C21orf91: variants seen among roughly 807,000 people sequenced by gnomAD.
C21orf91 encodes protein EURL homolog.
C21orf91 carries 26 observed loss-of-function variants against 32.9 expected under a neutral mutation model. The ratio of observed to expected loss-of-function variants is 0.79; its 90% CI spans 0.58 to 1.10. C21orf91 has a LOEUF of 1.10. Ranked by LOEUF, C21orf91 falls within the 50% of genes least tolerant of loss-of-function variation. The pLI is 0.00. For synonymous variants in C21orf91, 126 were observed against 120.4 expected (o/e 1.05, Z -0.31); for missense variants, 310 against 341.3 (o/e 0.91, Z 0.72).
chr21:17,816,825 A>C (rs1177041301), intron 2 of C21orf91, among the ~76,000 whole-genome samples: 1 of 152,232 alleles, frequency 6.6e-6, no homozygotes, highest in Non-Finnish European at 1.5e-5. Flanking sequence ...CAGGGTTTGG[A>C]CTAGATAATT....
chr21:17,792,012 T>C lies in C21orf91; in HGVS notation c.*1403A>G, dbSNP rs2062477970. 6.6e-6 allele frequency: 1 copy of C among 152,158 alleles called. No homozygotes were observed. The highest frequency in any genetic ancestry group is 6.5e-5 in the Admixed American group (1 of 15,272). The allele number at this position is 152,158 out of a possible 1,614,324, so 9.4% of individuals were successfully genotyped here. A position where few individuals can be genotyped will look rare whatever the true frequency, so the allele number is the denominator to read the frequency against. On this transcript the variant is annotated 3_prime_UTR_variant, in exon 5 of 5. Transcript: ENST00000284881. ...ACCCAAGCCAGGGTAGGCTGCCAAA[T>C]TTAAGGCAAATGTCATTTATATCTT... is the stretch of plus-strand genomic sequence containing the variant.
chr21:17,789,829 A>G lies in C21orf91; in HGVS notation c.*3586T>C, dbSNP rs976459446. On this transcript the variant is annotated 3_prime_UTR_variant, in exon 5 of 5. Coordinates refer to ENST00000284881, the MANE Select transcript of C21orf91 (RefSeq NM_001100420.2). ...CTCTTCCCTGCCCCATGACCACAAA[A>G]CTTTACTTGGTAAGAATAAACTGTT... is the stretch of plus-strand genomic sequence containing the variant. 6.6e-6 allele frequency: 1 copy of G among 152,076 alleles called. No individual in the cohort carries two copies. Among genetic ancestry groups the G allele is most frequent in the Non-Finnish European group, 1.5e-5 (1 of 67,956 alleles). 9.4% of individuals were successfully genotyped at this position (152,076 alleles called of 1,614,324 possible).
intron 2 of C21orf91, among the ~76,000 whole-genome samples, chr21:17,816,958 G>C (rs1358287074): frequency 6.6e-6 from 1 of 152,166 alleles, no homozygotes; most frequent in Non-Finnish European, 1.5e-5. Flanking sequence ...TACTGTAAAA[G>C]AAACTTATTT....
intron 2 of C21orf91, among the ~76,000 whole-genome samples, chr21:17,816,385 C>T (rs986458694): frequency 6.6e-6 from 1 of 152,162 alleles, no homozygotes; most frequent in Admixed American, 6.5e-5. Flanking sequence ...TGGAAAAATT[C>T]GATCATGGCA....
rs1402409557 is a variant in C21orf91 at position 17,790,826 on chromosome 21, T to A, written c.*2589A>T. The A allele has an allele frequency of 6.6e-6, 1 of 152,156 alleles. No individual in the cohort carries two copies. Among genetic ancestry groups the A allele is most frequent in the Non-Finnish European group, 1.5e-5 (1 of 67,962 alleles). 9.4% of individuals were successfully genotyped at this position (152,156 alleles called of 1,614,324 possible). ...ACCTGTGTGGTCAAAAACACTTTTCTAATTTTTAAAACTCAATTTAACGTG... is the reference window on the plus strand; with the variant it reads ...ACCTGTGTGGTCAAAAACACTTTTCAAATTTTTAAAACTCAATTTAACGTG... On this transcript the variant is annotated 3_prime_UTR_variant, in exon 5 of 5. Transcript: ENST00000284881.
At chr21:17,794,537 G>T (rs886975431) in intron 4 of C21orf91, among the ~76,000 whole-genome samples, 1 of 152,212 alleles carries the variant, frequency 6.6e-6, no homozygotes, top group African/African-American at 2.4e-5. Flanking sequence ...TGCAAGTAGA[G>T]ATACTGATTA....
intron 2 of C21orf91, among the ~76,000 whole-genome samples, chr21:17,812,375 T>C (rs1270395588): frequency 1.3e-5 from 2 of 152,234 alleles, no homozygotes. Flanking sequence ...TCAAAGTTCA[T>C]GTTTTGGAAA....
chr21:17,798,919 A>C (rs1448407150), intron 2 of C21orf91, among the ~76,000 whole-genome samples: 3 of 152,186 alleles, frequency 2.0e-5, no homozygotes, highest in African/African-American at 7.2e-5. Flanking sequence ...AGAGAACCTG[A>C]AGCTTGCCTA....
chr21:17,812,740 C>T (rs1349155128), intron 2 of C21orf91, among the ~76,000 whole-genome samples: 2 of 151,754 alleles, frequency 1.3e-5, no homozygotes, highest in East Asian at 1.9e-4. Flanking sequence ...ACCTGGGAGG[C>T]GGAGCTTGCA....
chr21:17,801,180 G>C (rs1256776325), intron 2 of C21orf91, among the ~76,000 whole-genome samples: 2 of 151,512 alleles, frequency 1.3e-5, no homozygotes, highest in Non-Finnish European at 2.9e-5. Flanking sequence ...ATTGGATAAA[G>C]AAAATGTGGC....
chr21:17,801,557 A>T (rs1435983187), intron 2 of C21orf91, among the ~76,000 whole-genome samples: 1 of 152,030 alleles, frequency 6.6e-6, no homozygotes, highest in Non-Finnish European at 1.5e-5. Flanking sequence ...GGCTTGAGCC[A>T]CCGTGCCCGG....
intron 2 of C21orf91, among the ~76,000 whole-genome samples, chr21:17,809,636 T>C (rs1219923707): frequency 1.3e-5 from 2 of 152,180 alleles, no homozygotes; most frequent in Non-Finnish European, 2.9e-5. Context: ...TAGTGGCAAA[T>C]AATCCTTTAT....
chr21:17,801,507 T>C (rs2062560895), intron 2 of C21orf91, among the ~76,000 whole-genome samples: 1 of 152,094 alleles, frequency 6.6e-6, no homozygotes, highest in Non-Finnish European at 1.5e-5. Context: ...CCTGACCTTG[T>C]GATCCGCCCG....
Position 17,796,659 on chromosome 21 carries a change from G to A in C21orf91, c.587C>T (p.Ala196Val), listed in dbSNP as rs908142147. 6.2e-7 allele frequency: 1 copy of A among 1,613,798 alleles called. No individual in the cohort carries two copies. Among genetic ancestry groups the A allele is most frequent in the South Asian group, 1.1e-5 (1 of 91,080 alleles). ...AGAGATTGTCTCTTCTTTTTTCTGT[G>A]CCTGGTTGTGACTATGAGGCCACAA... ...SVLWPHSHNQ[A>V]QKKEETISSP... is the part of the protein sequence containing the mutation. The change falls in exon 3 of 5, where the codon GCA becomes GTA. Residue 196 changes from alanine to valine, a missense_variant. By Grantham distance (64) the Ala-to-Val change is moderately conservative. Transcript: ENST00000284881.
chr21:17,808,638 AACTT>A (rs2062613705), intron 2 of C21orf91, among the ~76,000 whole-genome samples: 1 of 152,158 alleles, frequency 6.6e-6, no homozygotes, highest in Non-Finnish European at 1.5e-5. Flanking sequence ...GGAAGTAACT[AACTT>A]GTTTTTTAGA....
chr21:17,792,347 A>T lies in C21orf91; in HGVS notation c.*1068T>A, dbSNP rs1236458420. 2 of 152,118 alleles carry T rather than the reference A, an allele frequency of 1.3e-5. No homozygotes were observed. The highest frequency in any genetic ancestry group is 2.4e-5 in the African/African-American group (1 of 41,442). 9.4% of individuals were successfully genotyped at this position (152,118 alleles called of 1,614,324 possible). A position where few individuals can be genotyped will look rare whatever the true frequency, so the allele number is the denominator to read the frequency against. ...AGAACAATCCTATATTTCTCTATAG[A>T]GTCTAAAGTTTAGAAAAATACCTCA... On this transcript the variant is annotated 3_prime_UTR_variant, in exon 5 of 5. Transcript: ENST00000284881.
At chr21:17,796,533 C>T in intron 3 of C21orf91, 49 bp downstream of exon 3, 2 of 1,460,156 alleles carry the variant, frequency 1.4e-6, no homozygotes, top group Admixed American at 1.9e-5. Context: ...TACAAATGTA[C>T]AAAAATCCCA....
intron 2 of C21orf91, among the ~76,000 whole-genome samples, chr21:17,805,677 T>C (rs2062589483): frequency 6.6e-6 from 1 of 152,202 alleles, no homozygotes; most frequent in Non-Finnish European, 1.5e-5. Context: ...AAGGTAAATT[T>C]GTTTTTCTGG....
At chr21:17,809,353 G>A (rs2062617997) in intron 2 of C21orf91, among the ~76,000 whole-genome samples, 1 of 152,170 alleles carries the variant, frequency 6.6e-6, no homozygotes, top group Non-Finnish European at 1.5e-5. Context: ...AGATACTGAA[G>A]ATCCTCTTTA....
Sources: gnomAD v4.1 joint callset for allele counts (sites outside exome capture counted in the v4.1 genomes callset) on GRCh38, gnomAD v4.1.1 for gene constraint, MANE v1.5 for transcripts, NCBI Gene and HGNC (gene_info 2026-07-23, HGNC 2026-07-21) for gene names.